Variants in RUNDC3B observed in about 807,000 individuals in gnomAD.
RUNDC3B encodes RUN domain containing 3B, also known as RUN domain-containing protein 3B.
RUNDC3B carries 33 observed loss-of-function variants against 58.4 expected under a neutral mutation model. The ratio of observed to expected loss-of-function variants is 0.56; its 90% CI spans 0.43 to 0.75. RUNDC3B has a LOEUF of 0.75. Ranked by LOEUF, RUNDC3B falls within the 30% of genes least tolerant of loss-of-function variation. The pLI is 0.00. For synonymous variants in RUNDC3B, 193 were observed against 195.2 expected (o/e 0.99, Z 0.10); for missense variants, 501 against 535.7 (o/e 0.94, Z 0.64).
At position 87,671,718 on chromosome 7, in the gene RUNDC3B, C is replaced by T. The variant is rs577772493; in HGVS notation, c.238+20781C>T. Among the ~76,000 whole-genome samples, 20 of 152,266 alleles carry T rather than the reference C, an allele frequency of 1.3e-4. No homozygotes were observed. In the East Asian group the frequency reaches 2.7e-3, roughly 21 times the overall value. On this transcript the variant is annotated intron_variant, in intron 2 of 10. Transcript: ENST00000394654. ...GCAAGATTGAGGACCCACTTAAAAA[C>T]GCAGTCTTACCATGTGTTGGTAGAG...
At chr7:87,785,130 G>A (rs9655953) in intron 8 of RUNDC3B, among the ~76,000 whole-genome samples, 7,372 of 152,034 alleles carry the variant, frequency 0.048, 265 homozygotes, top group East Asian at 0.097. Flanking sequence ...AATGGCTGTG[G>A]GATCCCCCAA....
chr7:87,685,348 A>T (rs1243762022), intron 2 of RUNDC3B, among the ~76,000 whole-genome samples: 3 of 152,238 alleles, frequency 2.0e-5, no homozygotes, highest in Non-Finnish European at 4.4e-5. Flanking sequence ...GTTCAACATC[A>T]TTAGTAATTA....
At chr7:87,793,556 C>T (rs943495414) in intron 8 of RUNDC3B, among the ~76,000 whole-genome samples, 1 of 151,960 alleles carries the variant, frequency 6.6e-6, no homozygotes, top group African/African-American at 2.4e-5. Flanking sequence ...ATCATATCAA[C>T]AGAATGAAGG....
In RUNDC3B at chr7:87,686,429, G is replaced by A. The variant is rs375746756; in HGVS notation, c.239-13992G>A. On this transcript the variant is annotated intron_variant, in intron 2 of 10. Transcript: ENST00000394654. ...GTGAGGGAAGGCTTTACACAAGAAA[G>A]AGGCATAGAAGTACCTCAAATGAAA... Among the ~76,000 whole-genome samples the A allele has an allele frequency of 2.1e-4, 32 of 152,200 alleles. No homozygotes were observed. In the East Asian group the frequency reaches 3.5e-3, roughly 17 times the overall value.
chr7:87,717,752 T>C (rs1243343936), intron 4 of RUNDC3B, among the ~76,000 whole-genome samples: 1 of 152,088 alleles, frequency 6.6e-6, no homozygotes, highest in East Asian at 1.9e-4. Context: ...GTATCAAAAT[T>C]TCAAAGCCTG....
intron 4 of RUNDC3B, among the ~76,000 whole-genome samples, chr7:87,716,901 G>C (rs1013989854): frequency 3.9e-5 from 6 of 152,194 alleles, no homozygotes; most frequent in Non-Finnish European, 7.4e-5. Flanking sequence ...CAGTGGCACA[G>C]TCATGGCTCA....
At chr7:87,654,386 ATAAAC>A (rs373869625) in intron 2 of RUNDC3B, among the ~76,000 whole-genome samples, 28 of 152,240 alleles carry the variant, frequency 1.8e-4, no homozygotes, top group African/African-American at 6.3e-4. Context: ...AAACAGACAA[ATAAAC>A]TAATAGAATA....
chr7:87,654,596 G>C (rs1191886645), intron 2 of RUNDC3B, among the ~76,000 whole-genome samples: 1 of 151,880 alleles, frequency 6.6e-6, no homozygotes, highest in East Asian at 1.9e-4. Flanking sequence ...TTAAATGTAA[G>C]ATCTATCTAC....
At chr7:87,763,013 C>A (rs1398540035) in intron 6 of RUNDC3B, among the ~76,000 whole-genome samples, 2 of 151,332 alleles carry the variant, frequency 1.3e-5, no homozygotes, top group Non-Finnish European at 3.0e-5. Flanking sequence ...CTTTTTATAT[C>A]CTTTATTCTT....
chr7:87,747,799 A>G (rs191806848), intron 6 of RUNDC3B, among the ~76,000 whole-genome samples: 2 of 152,206 alleles, frequency 1.3e-5, no homozygotes, highest in Non-Finnish European at 2.9e-5. Flanking sequence ...CCCAGCTCAC[A>G]TGCAAACCAA....
intron 2 of RUNDC3B, among the ~76,000 whole-genome samples, chr7:87,697,012 G>A (rs1433419012): frequency 6.6e-6 from 1 of 152,068 alleles, no homozygotes; most frequent in Non-Finnish European, 1.5e-5. Context: ...GTTTTCAACA[G>A]CTCTACTTTG....
chr7:87,666,017 G>A (rs1253445757), intron 2 of RUNDC3B, among the ~76,000 whole-genome samples: 1 of 151,994 alleles, frequency 6.6e-6, no homozygotes, highest in Non-Finnish European at 1.5e-5. Context: ...GGGATTGCTG[G>A]GTCGAATGGT....
intron 9 of RUNDC3B, among the ~76,000 whole-genome samples, chr7:87,813,515 A>G (rs945430823): frequency 6.6e-6 from 1 of 152,162 alleles, no homozygotes; most frequent in Non-Finnish European, 1.5e-5. Flanking sequence ...AGAAATACTA[A>G]CAAGTTTTCT....
chr7:87,722,135 T>C (rs1269056855), intron 4 of RUNDC3B, among the ~76,000 whole-genome samples: 1 of 152,068 alleles, frequency 6.6e-6, no homozygotes, highest in African/African-American at 2.4e-5. Context: ...TTTTGATATA[T>C]ATTCATCATT....
At chr7:87,684,702 C>G (rs943691637) in intron 2 of RUNDC3B, among the ~76,000 whole-genome samples, 2 of 128,504 alleles carry the variant, frequency 1.6e-5, no homozygotes, top group Non-Finnish European at 3.1e-5. Context: ...GAGTCGAGAT[C>G]GTGCCACTGC....
At chr7:87,672,922 A>G (rs948748525) in intron 2 of RUNDC3B, among the ~76,000 whole-genome samples, 2 of 152,062 alleles carry the variant, frequency 1.3e-5, no homozygotes, top group Non-Finnish European at 2.9e-5. Flanking sequence ...GGATGTTTCA[A>G]TTGAAGGTGC....
rs1032689352 is a variant in RUNDC3B at position 87,681,745 on chromosome 7, G to C, written c.239-18676G>C. ...AGACAACAATGGGCTGGGCACAGTGGCTTACAGCTATAATCCCAGCACTTG... is the reference window on the plus strand; with the variant it reads ...AGACAACAATGGGCTGGGCACAGTGCCTTACAGCTATAATCCCAGCACTTG... On this transcript the variant is annotated intron_variant, in intron 2 of 10. Transcript: ENST00000394654. Among the ~76,000 whole-genome samples the C allele has an allele frequency of 2.0e-4, 30 of 151,934 alleles. 3 individuals carry two copies. Among genetic ancestry groups the C allele is most frequent in the African/African-American group, 6.5e-4 (27 of 41,320 alleles).
rs1184830022 is a variant in RUNDC3B, at chr7:87,777,774, A to G, written c.799-24A>G. Reference sequence around the variant, plus strand: ...TGTATTAGAATTTTGCAGTTTCTATATCTTGATGATACTGGATTTCCAGGG... The same window carrying G: ...TGTATTAGAATTTTGCAGTTTCTATGTCTTGATGATACTGGATTTCCAGGG... On this transcript the variant is annotated intron_variant, in intron 7 of 10. Coordinates refer to ENST00000394654, the MANE Select transcript of RUNDC3B (RefSeq NM_001134405.2). 4 of 1,610,504 alleles carry G rather than the reference A, an allele frequency of 2.5e-6. No individual in the cohort carries two copies. In the Admixed American group the frequency reaches 5.0e-5, roughly 20 times the overall value.
intron 2 of RUNDC3B, among the ~76,000 whole-genome samples, chr7:87,663,277 G>A (rs1824895099): frequency 6.6e-6 from 1 of 151,886 alleles, no homozygotes; most frequent in Non-Finnish European, 1.5e-5. Flanking sequence ...GTAAATACAA[G>A]GTTCTTTTCT....
Sources: allele counts gnomAD v4.1 joint callset (sites outside exome capture counted in the v4.1 genomes callset), GRCh38; gene constraint gnomAD v4.1.1; transcripts MANE v1.5; gene names NCBI Gene and HGNC (gene_info 2026-07-23, HGNC 2026-07-21).